UTP15: variants seen among roughly 807,000 people sequenced by gnomAD.
UTP15 encodes UTP15 small subunit processome component, also known as U3 small nucleolar RNA-associated protein 15 homolog.
In UTP15, 5 loss-of-function variants were observed where a neutral mutation model predicts 59.1. The ratio of observed to expected loss-of-function variants is 0.08; its 90% CI spans 0.04 to 0.18. The LOEUF (loss-of-function observed/expected upper bound fraction) is 0.18, where lower values mean the gene tolerates loss of function less well. UTP15 is among the 10% of genes least tolerant of loss of function. The probability of loss-of-function intolerance (pLI) is 1.00; values close to 1 mark genes in which losing one functional copy is unlikely to be tolerated. For missense variants in UTP15, 494 were observed against 616.7 expected, an observed-to-expected ratio of 0.80 and a Z score of 2.11; for synonymous variants, 211 against 212.2, an observed-to-expected ratio of 0.99 and a Z score of 0.05.
chr5:73,575,862 C>T (rs1199219967), intron 7 of UTP15, among the ~76,000 whole-genome samples: 1 of 151,674 alleles, frequency 6.6e-6, no homozygotes, highest in African/African-American at 2.4e-5. Context: ...GCCGAGATTA[C>T]AGGCATGTGC....
intron 7 of UTP15, among the ~76,000 whole-genome samples, chr5:73,575,553 C>CT (rs1393553387): frequency 6.0e-4 from 85 of 141,288 alleles, no homozygotes; most frequent in African/African-American, 1.0e-3. Context: ...TTCTTTCTTT[C>CT]TTTTTTTTTT....
At chr5:73,572,656 T>A (rs1747965464) in intron 7 of UTP15, 32 bp downstream of exon 7, 1 of 1,601,148 alleles carries the variant, frequency 6.2e-7, no homozygotes, top group Admixed American at 1.7e-5. Context: ...TATATTATTA[T>A]TAGTGTACAC....
chr5:73,569,911 C>T (rs1410726945), intron 5 of UTP15, among the ~76,000 whole-genome samples: 1 of 152,206 alleles, frequency 6.6e-6, no homozygotes, highest in Non-Finnish European at 1.5e-5. Flanking sequence ...TAGCTCACTG[C>T]ATCTGCTACC....
rs1352561641 is a variant in UTP15, at chr5:73,580,036, C to A, written c.1499C>A (p.Thr500Asn). The A allele has an allele frequency of 6.2e-7, 1 of 1,613,820 alleles. No homozygotes were observed. The highest frequency in any genetic ancestry group is 1.7e-5 in the Admixed American group (1 of 60,016). Residue 500 changes from threonine (T) to asparagine (N), a missense_variant, in exon 13 of 13, where the codon ACT (threonine) becomes AAT (asparagine). Physicochemically the swap from Thr to Asn is moderately conservative, Grantham distance 65 (BLOSUM62 0). Coordinates refer to ENST00000296792, the MANE Select transcript of UTP15 (RefSeq NM_032175.4). ...LFATMRRKEG[T>N]SVLEHTSDGF... ...GCCACCATGAGAAGGAAGGAAGGCACTTCTGTGTTGGAACACACATCTGAT... is the reference window on the plus strand; with the variant it reads ...GCCACCATGAGAAGGAAGGAAGGCAATTCTGTGTTGGAACACACATCTGAT...
chr5:73,568,614 A>C lies in UTP15; in HGVS notation c.368+10A>C. ...TTGAAGGCCATACAAAGTAAGAGACAGTTGGTTTCTGTGTGTTCTGGTTTT... is the reference window on the plus strand; with the variant it reads ...TTGAAGGCCATACAAAGTAAGAGACCGTTGGTTTCTGTGTGTTCTGGTTTT... On this transcript the variant is annotated intron_variant, in intron 4 of 12. Coordinates refer to ENST00000296792, the MANE Select transcript of UTP15 (RefSeq NM_032175.4). 2 of 1,597,120 alleles carry C rather than the reference A, an allele frequency of 1.3e-6. No homozygotes were observed. The highest frequency in any genetic ancestry group is 1.7e-6 in the Non-Finnish European group (2 of 1,174,042).
Position 73,580,186 on chromosome 5 carries a change from A to C in UTP15, c.*92A>C. ...GAGAGACTCTCTTTGATACATTAAA[A>C]AAACTGTTTGCAGAAGCAGTTCTGT... On this transcript the variant is annotated 3_prime_UTR_variant, in exon 13 of 13. Coordinates refer to ENST00000296792, the MANE Select transcript of UTP15 (RefSeq NM_032175.4). 1 of 1,154,574 alleles carries C rather than the reference A, an allele frequency of 8.7e-7. No homozygotes were observed. Among genetic ancestry groups the C allele is most frequent in the South Asian group, 1.6e-5 (1 of 61,198 alleles). 71.5% of individuals were successfully genotyped at this position (1,154,574 alleles called of 1,614,324 possible). A position where few individuals can be genotyped will look rare whatever the true frequency, so the allele number is the denominator to read the frequency against.
intron 7 of UTP15, among the ~76,000 whole-genome samples, chr5:73,576,240 G>T (rs999121104): frequency 6.6e-5 from 10 of 151,752 alleles, no homozygotes; most frequent in African/African-American, 2.2e-4. Flanking sequence ...GAGTAGCTGG[G>T]ATTACAGGTG....
chr5:73,572,061 G>A lies in UTP15; in HGVS notation c.674-428G>A, dbSNP rs190980575. Among the ~76,000 whole-genome samples the A allele has an allele frequency of 4.1e-3, 625 of 152,240 alleles. 6 individuals are homozygous for A. Among genetic ancestry groups the A allele is most frequent in the African/African-American group, 0.014 (582 of 41,548 alleles). ...AACTGTGAGTTGGGTTCCAACTCCTGTTCCCCAGTCAAGATTTCAGTCTCC... is the reference window on the plus strand; with the variant it reads ...AACTGTGAGTTGGGTTCCAACTCCTATTCCCCAGTCAAGATTTCAGTCTCC... On this transcript the variant is annotated intron_variant, in intron 6 of 12. Transcript: ENST00000296792.
chr5:73,578,502 A>G (rs914834364), intron 9 of UTP15: 26 of 414,788 alleles, frequency 6.3e-5, no homozygotes, highest in Admixed American at 3.1e-4. Context: ...AATTAAGGCA[A>G]TGGTGCATGT....
In UTP15 at chr5:73,568,229, A is replaced by G. The variant is rs1235712977; in HGVS notation, c.91-6A>G. 1.3e-6 allele frequency: 2 copies of G among 1,596,448 alleles called. No individual in the cohort carries two copies. Among genetic ancestry groups the G allele is most frequent in the South Asian group, 2.3e-5 (2 of 87,826 alleles). ...CTCTGTTAACACACTATTATTTTTT[A>G]TTAAGACCCCTGTTCAGATTAAGGA... is the stretch of plus-strand genomic sequence containing the variant. On this transcript the variant is annotated splice_region_variant and splice_polypyrimidine_tract_variant and intron_variant, in intron 2 of 12. Transcript: ENST00000296792.
intron 2 of UTP15, chr5:73,567,650 C>G (rs1002482827): frequency 5.5e-6 from 2 of 365,006 alleles, no homozygotes; most frequent in African/African-American, 4.2e-5. Context: ...ATGCCTAGCA[C>G]AGAACAGATG....
chr5:73,566,948 A>G (rs1235313218), intron 1 of UTP15, among the ~76,000 whole-genome samples: 2 of 152,210 alleles, frequency 1.3e-5, no homozygotes, highest in Non-Finnish European at 2.9e-5. Flanking sequence ...CTGTTGCCAA[A>G]AAATGGACAC....
At chr5:73,575,073 TTATA>T (rs201309091) in intron 7 of UTP15, among the ~76,000 whole-genome samples, 13,377 of 152,250 alleles carry the variant, frequency 0.088, 890 homozygotes, top group African/African-American at 0.19. Flanking sequence ...TCTGTATTGT[TTATA>T]TATTTATGGA....
At chr5:73,566,463 A>G (rs1747768518) in intron 1 of UTP15, among the ~76,000 whole-genome samples, 1 of 152,220 alleles carries the variant, frequency 6.6e-6, no homozygotes, top group South Asian at 2.1e-4. Flanking sequence ...CCCAAAGACC[A>G]GTGAAATACA....
Position 73,581,402 on chromosome 5 carries a change from A to G in UTP15, c.*1308A>G, listed in dbSNP as rs1166531690. Reference sequence around the variant, plus strand: ...AGATTCTTATTTTCTTGGCTTTTTGATGTATCTGTTCCTGATAGATAATCA... The same window carrying G: ...AGATTCTTATTTTCTTGGCTTTTTGGTGTATCTGTTCCTGATAGATAATCA... On this transcript the variant is annotated 3_prime_UTR_variant, in exon 13 of 13. Transcript: ENST00000296792. 6.6e-6 allele frequency: 1 copy of G among 152,072 alleles called. No individual in the cohort carries two copies. Among genetic ancestry groups the G allele is most frequent in the Non-Finnish European group, 1.5e-5 (1 of 68,016 alleles). The allele number at this position is 152,072 out of a possible 1,614,324, so 9.4% of individuals were successfully genotyped here.
chr5:73,579,397 AAAATCCT>A (rs1748228583), intron 12 of UTP15, 22 bp downstream of exon 12: 1 of 1,569,752 alleles, frequency 6.4e-7, no homozygotes, highest in Non-Finnish European at 8.7e-7. Context: ...TTAAAACTTG[AAAATCCT>A]AACATGCTTG....
intron 1 of UTP15, among the ~76,000 whole-genome samples, chr5:73,566,855 C>T (rs1305923223): frequency 1.3e-5 from 2 of 152,172 alleles, no homozygotes; most frequent in Non-Finnish European, 2.9e-5. Flanking sequence ...AAATCAAATC[C>T]GTAACTATAA....
chr5:73,572,411 G>A (rs1554045829), intron 6 of UTP15, 78 bp from the exon 7 acceptor site: 4 of 1,567,602 alleles, frequency 2.6e-6, no homozygotes, highest in Non-Finnish European at 3.5e-6. Flanking sequence ...GGAGTGTCCA[G>A]AGAAGAATGC....
chr5:73,569,189 T>G (rs1370838115), intron 4 of UTP15, among the ~76,000 whole-genome samples: 1 of 152,236 alleles, frequency 6.6e-6, no homozygotes, highest in East Asian at 1.9e-4. Context: ...TTTTGAAATT[T>G]TAAAAATTAA....
Sources: gnomAD v4.1 joint callset for allele counts (sites outside exome capture counted in the v4.1 genomes callset) on GRCh38, gnomAD v4.1.1 for gene constraint, MANE v1.5 for transcripts, NCBI Gene and HGNC (gene_info 2026-07-23, HGNC 2026-07-21) for gene names.